SLC66A2: variants seen among roughly 807,000 people sequenced by gnomAD.
SLC66A2 encodes PQ loop repeat containing 1.
SLC66A2 carries 23 observed loss-of-function variants against 25.5 expected under a neutral mutation model. The ratio of observed to expected loss-of-function variants is 0.90; its 90% CI spans 0.65 to 1.28. The LOEUF is 1.28. Among genes scored for constraint, SLC66A2 ranks in the 50% most tolerant of loss-of-function variants. The probability of loss-of-function intolerance (pLI) is 0.00; values close to 1 mark genes in which losing one functional copy is unlikely to be tolerated. For missense variants in SLC66A2, 396 were observed against 373.1 expected, an observed-to-expected ratio of 1.06 and a Z score of -0.51; for synonymous variants, 193 against 166.5, an observed-to-expected ratio of 1.16 and a Z score of -1.23.
In SLC66A2 at chr18:79,918,423, G is replaced by GGGC. The variant is rs1053355885; in HGVS notation, c.608+760_608+761insGCC. ...GATCCCCAGTGAGGAGCGGGCCCGG[G>GGGC]GGGGGGTCCCCAGTGAGGAGCGGGC... On this transcript the variant is annotated intron_variant, in intron 5 of 5. Coordinates refer to ENST00000397778, the MANE Select transcript of SLC66A2 (RefSeq NM_025078.5). The surrounding 1 kb of genome is among the most constrained non-coding windows in gnomAD (Gnocchi z 4.0). 6.6e-6 allele frequency among the ~76,000 whole-genome samples: 1 copy of GGGC among 150,808 alleles called. No homozygotes were observed. The highest frequency in any genetic ancestry group is 6.6e-5 in the Admixed American group (1 of 15,162).
chr18:79,930,044 G>C (rs1201412853), intron 4 of SLC66A2, among the ~76,000 whole-genome samples: 1 of 152,070 alleles, frequency 6.6e-6, no homozygotes, highest in Non-Finnish European at 1.5e-5. Context: ...AATTCAAGGA[G>C]ATAATGACTT....
chr18:79,915,112 C>T (rs771989719), intron 5 of SLC66A2, among the ~76,000 whole-genome samples: 14 of 152,250 alleles, frequency 9.2e-5, no homozygotes, highest in Non-Finnish European at 1.9e-4. Context: ...CACAAGCAGA[C>T]CCCAGACTTT....
chr18:79,936,150 A>C (rs1053848108), intron 3 of SLC66A2, among the ~76,000 whole-genome samples: 5 of 152,216 alleles, frequency 3.3e-5, no homozygotes, highest in Admixed American at 1.3e-4. Flanking sequence ...GAAGGTTTGC[A>C]CTGTACCCTG....
rs1282832271 is a variant in SLC66A2, at chr18:79,950,956, G to A, written c.-30C>T. 1.4e-6 allele frequency: 2 copies of A among 1,479,000 alleles called. No homozygotes were observed. Among genetic ancestry groups the A allele is most frequent in the South Asian group, 1.3e-5 (1 of 77,548 alleles). The allele number at this position is 1,479,000 out of a possible 1,614,324, so 91.6% of individuals were successfully genotyped here. Reference sequence around the variant, plus strand: ...GCGCCCGCCTGGCCGAGGCTGTCACGGGCTCCGCGCCCCGCGGGCCACCGG... The same window carrying A: ...GCGCCCGCCTGGCCGAGGCTGTCACAGGCTCCGCGCCCCGCGGGCCACCGG... On this transcript the variant is annotated 5_prime_UTR_variant, in exon 2 of 6. Coordinates refer to ENST00000397778, the MANE Select transcript of SLC66A2 (RefSeq NM_025078.5).
Position 79,917,201 on chromosome 18 carries a change from G to A in SLC66A2, c.608+1983C>T, listed in dbSNP as rs963740001. Among the ~76,000 whole-genome samples, 1 of 152,272 alleles carries A rather than the reference G, an allele frequency of 6.6e-6. No individual in the cohort carries two copies. The highest frequency in any genetic ancestry group is 1.5e-5 in the Non-Finnish European group (1 of 68,042). On this transcript the variant is annotated intron_variant, in intron 5 of 5. Transcript: ENST00000397778. The surrounding 1 kb of genome is among the most constrained non-coding windows in gnomAD (Gnocchi z 6.0). ...TGCAGGGCCGCCTCGGCCAGCATCT[G>A]GAAACTCGGGTTTGAAGAGGATTCC... is the stretch of plus-strand genomic sequence containing the variant.
chr18:79,929,430 C>A (rs1209494417), intron 4 of SLC66A2, among the ~76,000 whole-genome samples: 1 of 152,186 alleles, frequency 6.6e-6, no homozygotes, highest in African/African-American at 2.4e-5. Flanking sequence ...ACAAAACAAA[C>A]AAGCAAACAG....
intron 5 of SLC66A2, among the ~76,000 whole-genome samples, chr18:79,906,610 T>A (rs986875037): frequency 1.3e-5 from 2 of 152,246 alleles, no homozygotes; most frequent in African/African-American, 2.4e-5. Context: ...AGTTCTTTTT[T>A]AAAAAAATTC....
intron 5 of SLC66A2, among the ~76,000 whole-genome samples, chr18:79,909,672 AC>A (rs1355481006): frequency 8.8e-5 from 9 of 102,834 alleles, no homozygotes; most frequent in East Asian, 3.0e-4. Context: ...AACCTTCCCC[AC>A]CATCTCACAA....
chr18:79,948,578 T>C (rs1420190788), intron 2 of SLC66A2, among the ~76,000 whole-genome samples: 1 of 152,172 alleles, frequency 6.6e-6, no homozygotes, highest in Admixed American at 6.5e-5. Flanking sequence ...TGGCCTCAAG[T>C]GATCCTCCCA....
At chr18:79,914,387 A>C (rs994570899) in intron 5 of SLC66A2, among the ~76,000 whole-genome samples, 3 of 152,184 alleles carry the variant, frequency 2.0e-5, no homozygotes, top group Non-Finnish European at 4.4e-5. Flanking sequence ...GGATACCACG[A>C]CGCCCCCATC....
At position 79,950,881 on chromosome 18, in the gene SLC66A2, G is replaced by A. The variant is rs1157963271; in HGVS notation, c.46C>T (p.Leu16=). ...LDWLLVPLHQ[L]VSWGAAAAMV... ...GCCGCGGCCGCGCCCCAGGACACCA[G>A]CTGGTGCAGTGGCACCAGGAGCCAG... The change falls in exon 2 of 6, where the codon CTG becomes TTG. Residue 16 remains leucine, a synonymous_variant. Coordinates refer to ENST00000397778, the MANE Select transcript of SLC66A2 (RefSeq NM_025078.5). 3.1e-6 allele frequency: 5 copies of A among 1,603,204 alleles called. No homozygotes were observed. The African/African-American group carries it at 5.4e-5, about 17-fold the overall frequency.
chr18:79,933,181 A>G (rs1015960344), intron 4 of SLC66A2, among the ~76,000 whole-genome samples: 3 of 152,240 alleles, frequency 2.0e-5, no homozygotes, highest in Non-Finnish European at 4.4e-5. Flanking sequence ...ATCATAGTAG[A>G]ATAAAAAATA....
At chr18:79,938,916 T>C (rs1044861993) in intron 3 of SLC66A2, among the ~76,000 whole-genome samples, 4 of 152,234 alleles carry the variant, frequency 2.6e-5, no homozygotes, top group Non-Finnish European at 5.9e-5. Context: ...GACCTCGTGA[T>C]CCGCCCACCT....
Position 79,916,115 on chromosome 18 carries a change from GTACCCTCCCA to G in SLC66A2, c.608+3059_608+3068del, listed in dbSNP as rs1194658289. Among the ~76,000 whole-genome samples, 230 of 121,946 alleles carry G rather than the reference GTACCCTCCCA, an allele frequency of 1.9e-3. 1 individual carries two copies. The highest frequency in any genetic ancestry group is 0.017 in the Middle Eastern group (3 of 178). 80.0% of individuals were successfully genotyped at this position (121,946 alleles called of 152,430 possible). A position where few individuals can be genotyped will look rare whatever the true frequency, so the allele number is the denominator to read the frequency against. ...GTGCTCTCATACCCGCAGTGCTCCC[GTACCCTCCCA>G]TACCCACGGTGCTCCCGTACCCGCG... On this transcript the variant is annotated intron_variant, in intron 5 of 5. Transcript: ENST00000397778.
At position 79,917,935 on chromosome 18, in the gene SLC66A2, C is replaced by T. The variant is rs916162994; in HGVS notation, c.608+1249G>A. On this transcript the variant is annotated intron_variant, in intron 5 of 5. Transcript: ENST00000397778. The surrounding 1 kb of genome is among the most constrained non-coding windows in gnomAD (Gnocchi z 6.0). ...TACAGCCCACACCGGAACTCCATAC[C>T]CCACACCCCAGCCCACACCTACACT... Among the ~76,000 whole-genome samples the T allele has an allele frequency of 4.6e-5, 7 of 151,848 alleles. No individual in the cohort carries two copies. The highest frequency in any genetic ancestry group is 1.7e-4 in the African/African-American group (7 of 41,294).
intron 2 of SLC66A2, among the ~76,000 whole-genome samples, chr18:79,945,669 G>A (rs925102859): frequency 6.6e-6 from 1 of 152,248 alleles, no homozygotes; most frequent in Non-Finnish European, 1.5e-5. Flanking sequence ...GCACAGGCCG[G>A]AGGTGCAGGG....
intron 5 of SLC66A2, among the ~76,000 whole-genome samples, chr18:79,910,946 G>C (rs891875936): frequency 6.6e-6 from 1 of 152,268 alleles, no homozygotes; most frequent in African/African-American, 2.4e-5. Context: ...TGTAAAATCA[G>C]GTAAAGCCAT....
chr18:79,919,503 G>A (rs12607405), intron 4 of SLC66A2, 103 bp from the exon 5 acceptor site: 104,913 of 271,932 alleles, frequency 0.39, 20,470 homozygotes, highest in Admixed American at 0.52. Context: ...AAGGTCAGTG[G>A]GGAGAGACAG....
At chr18:79,919,049 T>C in intron 5 of SLC66A2, 135 bp downstream of exon 5, 1 of 813,290 alleles carries the variant, frequency 1.2e-6, no homozygotes, top group South Asian at 1.7e-5. Context: ...AAACCTGCTA[T>C]TCTTTAACCG....
Sources: allele counts gnomAD v4.1 joint callset (sites outside exome capture counted in the v4.1 genomes callset), GRCh38; gene constraint gnomAD v4.1.1; non-coding constraint Gnocchi (gnomAD v3.1); transcripts MANE v1.5; gene names NCBI Gene and HGNC (gene_info 2026-07-23, HGNC 2026-07-21).